ADGRV1: variants seen among roughly 807,000 people sequenced by gnomAD.
The protein encoded by ADGRV1 is G-protein coupled receptor 98.
A neutral mutation model predicts 596.2 loss-of-function variants in ADGRV1; 359 were observed. That is an observed-to-expected ratio of 0.60 (90% CI 0.55 to 0.66). The LOEUF (loss-of-function observed/expected upper bound fraction) is 0.66, where lower values mean the gene tolerates loss of function less well. Ranked by LOEUF, ADGRV1 falls within the 30% of genes least tolerant of loss-of-function variation. The pLI is 0.00. For synonymous variants in ADGRV1, 2,681 were observed against 2,679.2 expected (o/e 1.00, Z -0.02); for missense variants, 7,274 against 7,575.6 (o/e 0.96, Z 1.48).
At chr5:90,588,205 C>T (rs1429619261) in intron 1 of ADGRV1, among the ~76,000 whole-genome samples, 1 of 152,012 alleles carries the variant, frequency 6.6e-6, no homozygotes, top group Non-Finnish European at 1.5e-5. Context: ...ATAAAAGAAA[C>T]GTTGGTGACT....
intron 83 of ADGRV1, among the ~76,000 whole-genome samples, chr5:90,956,605 G>A (rs1042662974): frequency 1.8e-4 from 27 of 152,148 alleles, no homozygotes; most frequent in African/African-American, 6.3e-4. Flanking sequence ...ATATTCAAAT[G>A]ATCTTGATGT....
At chr5:91,117,665 C>T (rs1050747366) in intron 87 of ADGRV1, among the ~76,000 whole-genome samples, 2 of 152,132 alleles carry the variant, frequency 1.3e-5, no homozygotes, top group African/African-American at 4.8e-5. Context: ...TTTACTAAAA[C>T]CATTTACTCA....
chr5:90,706,325 C>G lies in ADGRV1; in HGVS notation c.8661C>G (p.Val2887=), dbSNP rs769578947. 1 of 1,613,104 alleles carries G rather than the reference C, an allele frequency of 6.2e-7. No individual in the cohort carries two copies. The highest frequency in any genetic ancestry group is 1.3e-5 in the African/African-American group (1 of 74,878). Residue 2887 remains valine (V), a synonymous_variant, in exon 38 of 90, where the codon GTC becomes GTG. Coordinates refer to ENST00000405460, the MANE Select transcript of ADGRV1 (RefSeq NM_032119.4). ...GNLAEPEVDF[V]PIIGFLILEE... is the part of the protein sequence containing the mutation. ...TAGCAGAGCCAGAAGTTGATTTTGT[C>G]CCTATCATTGGCTTTCTGATTTTAG...
intron 80 of ADGRV1, among the ~76,000 whole-genome samples, 199 bp downstream of exon 80, chr5:90,853,732 G>C (rs1250502075): frequency 6.6e-6 from 1 of 152,138 alleles, no homozygotes; most frequent in Non-Finnish European, 1.5e-5. Flanking sequence ...TTCATGTTTT[G>C]AGTAAAATAC....
chr5:90,890,313 GT>G (rs1770685114), intron 83 of ADGRV1, among the ~76,000 whole-genome samples: 2 of 152,060 alleles, frequency 1.3e-5, no homozygotes, highest in African/African-American at 4.8e-5. Flanking sequence ...GTCCTATTGT[GT>G]GTTCATTCCT....
chr5:90,811,376 T>C (rs1581198906), intron 74 of ADGRV1, 38 bp downstream of exon 74: 1 of 1,500,748 alleles, frequency 6.7e-7, no homozygotes, highest in East Asian at 2.3e-5. Flanking sequence ...AATATACTTT[T>C]ATGGTACATA....
intron 77 of ADGRV1, among the ~76,000 whole-genome samples, chr5:90,829,428 C>T (rs1403269121): frequency 6.6e-6 from 1 of 152,104 alleles, no homozygotes; most frequent in Non-Finnish European, 1.5e-5. Flanking sequence ...TTATACAGTG[C>T]AAACTATCTT....
At chr5:91,068,113 A>G (rs1027173665) in intron 85 of ADGRV1, among the ~76,000 whole-genome samples, 1 of 152,154 alleles carries the variant, frequency 6.6e-6, no homozygotes, top group Non-Finnish European at 1.5e-5. Context: ...CTCTTGAAAT[A>G]TGCCTTGTTT....
chr5:91,001,459 A>T (rs968416233), intron 85 of ADGRV1, among the ~76,000 whole-genome samples: 4 of 152,194 alleles, frequency 2.6e-5, no homozygotes, highest in African/African-American at 9.7e-5. Context: ...ATCACATGTC[A>T]TAATATGTTA....
intron 67 of ADGRV1, among the ~76,000 whole-genome samples, chr5:90,786,942 C>T (rs1043825538): frequency 6.6e-6 from 1 of 152,042 alleles, no homozygotes; most frequent in Non-Finnish European, 1.5e-5. Context: ...GATGTTGACA[C>T]ATGGGGAGGT....
At chr5:91,147,843 G>A (rs1013366081) in intron 87 of ADGRV1, among the ~76,000 whole-genome samples, 1 of 152,150 alleles carries the variant, frequency 6.6e-6, no homozygotes. Context: ...AAGAAGACAG[G>A]AAAATGTGGA....
Position 90,643,873 on chromosome 5 carries a change from T to C in ADGRV1, c.2624T>C (p.Ile875Thr), listed in dbSNP as rs1166706987. ...ERESKLGSATIVNITILKNDD... is the reference protein window; with the variant it reads ...ERESKLGSATTVNITILKNDD... ...GAAAGCAAGTTGGGAAGTGCCACCA[T>C]TGTCAATATAACGATTCTGAAAAAT... The change falls in exon 14 of 90, where the codon ATT becomes ACT. Residue 875 changes from isoleucine (I) to threonine (T), a missense_variant. Transcript: ENST00000405460. 14 of 1,611,596 alleles carry C rather than the reference T, an allele frequency of 8.7e-6. No individual in the cohort carries two copies. Among genetic ancestry groups the C allele is most frequent in the Non-Finnish European group, 1.2e-5 (14 of 1,178,684 alleles).
chr5:91,157,252 A>ATG (rs1396066448), intron 89 of ADGRV1, among the ~76,000 whole-genome samples: 3 of 152,250 alleles, frequency 2.0e-5, no homozygotes, highest in African/African-American at 4.8e-5. Flanking sequence ...TGTCAAAGCT[A>ATG]TGTAGCCTTT....
intron 74 of ADGRV1, 69 bp downstream of exon 74, chr5:90,811,407 A>G (rs1293460004): frequency 2.2e-6 from 3 of 1,366,926 alleles, no homozygotes; most frequent in Non-Finnish European, 2.9e-6. Context: ...AGGTGAATCT[A>G]GCTTAAATTT....
chr5:90,788,877 C>T (rs962687235), intron 68 of ADGRV1, among the ~76,000 whole-genome samples: 1 of 151,738 alleles, frequency 6.6e-6, no homozygotes, highest in Non-Finnish European at 1.5e-5. Flanking sequence ...CACACACACA[C>T]ACACACACAC....
chr5:90,881,557 A>G (rs1769776178), intron 83 of ADGRV1, among the ~76,000 whole-genome samples: 1 of 152,178 alleles, frequency 6.6e-6, no homozygotes, highest in South Asian at 2.1e-4. Context: ...AGGGAGGTGA[A>G]CTTTGGCCAG....
intron 86 of ADGRV1, among the ~76,000 whole-genome samples, chr5:91,090,412 A>AT (rs1015542723): frequency 1.5e-4 from 23 of 150,098 alleles, no homozygotes; most frequent in African/African-American, 4.9e-4. Flanking sequence ...GGCTTGTACC[A>AT]TTTTTTTTTC....
chr5:90,729,551 T>C (rs1752256837), intron 49 of ADGRV1, 91 bp from the exon 50 acceptor site: 2 of 1,000,636 alleles, frequency 2.0e-6, no homozygotes, highest in Non-Finnish European at 2.9e-6. Flanking sequence ...AATTTGTTTC[T>C]TGATATTTTT....
chr5:90,633,403 G>GT (rs1050717803), intron 9 of ADGRV1, among the ~76,000 whole-genome samples: 20 of 151,296 alleles, frequency 1.3e-4, no homozygotes, highest in Non-Finnish European at 2.7e-4. Flanking sequence ...AAAAATTATT[G>GT]TTTTTTTCTT....
Sources: gnomAD v4.1 joint callset for allele counts (sites outside exome capture counted in the v4.1 genomes callset) on GRCh38, gnomAD v4.1.1 for gene constraint, MANE v1.5 for transcripts, NCBI Gene and HGNC (gene_info 2026-07-23, HGNC 2026-07-21) for gene names.